DPP10: variants seen among roughly 807,000 people sequenced by gnomAD.
DPP10 encodes the protein inactive dipeptidyl peptidase 10.
DPP10 carries 33 observed loss-of-function variants against 120.9 expected under a neutral mutation model. The ratio of observed to expected loss-of-function variants is 0.27; its 90% CI spans 0.21 to 0.37. DPP10 has a LOEUF of 0.37. Among genes scored for constraint, DPP10 ranks in the 10% least tolerant of loss-of-function variants. The pLI is 1.00. For synonymous variants in DPP10, 337 were observed against 326.1 expected (o/e 1.03, Z -0.36); for missense variants, 816 against 942.8 (o/e 0.87, Z 1.76).
chr2:114,915,358 A>T (rs957233980), intron 1 of DPP10, among the ~76,000 whole-genome samples: 4 of 152,202 alleles, frequency 2.6e-5, no homozygotes, highest in Non-Finnish European at 5.9e-5. Flanking sequence ...TCAGATTTAT[A>T]AAACAAGTTC....
intron 19 of DPP10, among the ~76,000 whole-genome samples, chr2:115,805,124 G>T (rs1292230005): frequency 6.6e-6 from 1 of 152,160 alleles, no homozygotes. Context: ...TCAAGCCTCA[G>T]CAATGGCAGG....
Position 115,149,488 on chromosome 2 carries a change from G to A in DPP10, c.61-159751G>A, listed in dbSNP as rs557971585. Among the ~76,000 whole-genome samples, 46 of 152,288 alleles carry A rather than the reference G, an allele frequency of 3.0e-4. 1 individual carries two copies. The South Asian group carries it at 8.5e-3, about 28-fold the overall frequency. The stretch of plus-strand genomic sequence containing the variant: ...TTTATCTGATGGATCCCAATGCACT[G>A]TAATTTTTATCCTTATTGAAGTGCT... On this transcript the variant is annotated intron_variant, in intron 1 of 25. Transcript: ENST00000410059.
chr2:114,945,684 C>T (rs749860617), intron 1 of DPP10, among the ~76,000 whole-genome samples: 7 of 152,020 alleles, frequency 4.6e-5, no homozygotes, highest in East Asian at 1.9e-4. Context: ...GGCATGGCGG[C>T]GGACACCTGT....
At chr2:115,045,057 G>A (rs1442728556) in intron 1 of DPP10, among the ~76,000 whole-genome samples, 1 of 152,146 alleles carries the variant, frequency 6.6e-6, no homozygotes, top group Non-Finnish European at 1.5e-5. Context: ...CTTGGCTATT[G>A]TGAATAGTGC....
In DPP10 at chr2:114,852,151, C is replaced by CTTTTTTTTT. The variant is rs34580352; in HGVS notation, c.60+409330_60+409338dup. Among the ~76,000 whole-genome samples the CTTTTTTTTT allele has an allele frequency of 1.1e-3, 60 of 53,728 alleles. 14 individuals carry two copies. The highest frequency in any genetic ancestry group is 4.6e-3 in the African/African-American group (54 of 11,784). The allele number at this position is 53,728 out of a possible 152,430, so 35.2% of individuals were successfully genotyped here. ...GGGAAATTTTTATAGCGATTGCATC[C>CTTTTTTTTT]TTTTTTTTTTTTTTTTTTTTTTTTT... On this transcript the variant is annotated intron_variant, in intron 1 of 25. Coordinates refer to ENST00000410059, the MANE Select transcript of DPP10 (RefSeq NM_020868.6).
chr2:115,836,342 A>G lies in DPP10; in HGVS notation c.2050+86A>G, dbSNP rs1013846503. 3.6e-6 allele frequency: 5 copies of G among 1,380,178 alleles called. No homozygotes were observed. The African/African-American group carries it at 5.8e-5, about 16-fold the overall frequency. The allele number at this position is 1,380,178 out of a possible 1,614,324, so 85.5% of individuals were successfully genotyped here. On this transcript the variant is annotated intron_variant, in intron 22 of 25. Transcript: ENST00000410059. ...AATTTAGAATAGCTCAATTGAGCTC[A>G]TTTATCATATGTTATTAGAGCCTGT...
At chr2:114,545,797 G>A (rs1687345153) in intron 1 of DPP10, among the ~76,000 whole-genome samples, 1 of 152,132 alleles carries the variant, frequency 6.6e-6, no homozygotes, top group African/African-American at 2.4e-5. Context: ...GATAGTTTTG[G>A]TTTTACCTGC....
intron 1 of DPP10, among the ~76,000 whole-genome samples, chr2:115,221,533 G>A (rs543006342): frequency 6.6e-6 from 1 of 152,130 alleles, no homozygotes; most frequent in East Asian, 1.9e-4. Flanking sequence ...TACATGGTCC[G>A]CAAAGCCTAA....
At chr2:115,336,140 G>T (rs2063115000) in intron 2 of DPP10, among the ~76,000 whole-genome samples, 1 of 151,924 alleles carries the variant, frequency 6.6e-6, no homozygotes. Flanking sequence ...GAATGCTGAA[G>T]AACTTTCTTT....
intron 3 of DPP10, among the ~76,000 whole-genome samples, chr2:115,408,058 T>C (rs546241664): frequency 6.6e-6 from 1 of 151,624 alleles, no homozygotes; most frequent in African/African-American, 2.4e-5. Context: ...CCTCTTTCTT[T>C]CCCCCATTCT....
Position 115,141,294 on chromosome 2 carries a change from C to A in DPP10, c.61-167945C>A, listed in dbSNP as rs1048960593. ...CATTCTCAAACTAACACTCATAAAT[C>A]GGCAATTTAGGCAGGGAGGAAAGGA... On this transcript the variant is annotated intron_variant, in intron 1 of 25. Transcript: ENST00000410059. Among the ~76,000 whole-genome samples the A allele has an allele frequency of 5.6e-4, 85 of 152,108 alleles. 1 individual carries two copies. The highest frequency in any genetic ancestry group is 2.4e-4 in the Non-Finnish European group (16 of 68,024).
chr2:115,252,590 G>T (rs937191715), intron 1 of DPP10, among the ~76,000 whole-genome samples: 1 of 152,110 alleles, frequency 6.6e-6, no homozygotes, highest in African/African-American at 2.4e-5. Flanking sequence ...TTCCCTCTGT[G>T]TTTACTACAG....
At chr2:114,604,249 G>C (rs1692610475) in intron 1 of DPP10, among the ~76,000 whole-genome samples, 1 of 152,018 alleles carries the variant, frequency 6.6e-6, no homozygotes, top group South Asian at 2.1e-4. Context: ...TCTTATCAGG[G>C]AATGGTGGGA....
intron 12 of DPP10, 75 bp from the exon 13 acceptor site, chr2:115,768,222 C>A: frequency 8.0e-7 from 1 of 1,249,050 alleles, no homozygotes; most frequent in Middle Eastern, 2.0e-4. Context: ...ATAACCCATG[C>A]AGGAATTAAC....
At chr2:115,722,217 G>A (rs934556370) in intron 7 of DPP10, among the ~76,000 whole-genome samples, 16 of 151,952 alleles carry the variant, frequency 1.1e-4, no homozygotes, top group African/African-American at 3.6e-4. Context: ...TTCATTGTAC[G>A]CTTACAGATT....
chr2:115,217,228 A>G (rs1275747719), intron 1 of DPP10, among the ~76,000 whole-genome samples: 4 of 152,220 alleles, frequency 2.6e-5, no homozygotes, highest in Non-Finnish European at 5.9e-5. Flanking sequence ...TAGGATAATT[A>G]TCTAATGGCT....
intron 1 of DPP10, among the ~76,000 whole-genome samples, chr2:114,678,131 A>G (rs1021103270): frequency 2.6e-5 from 4 of 152,146 alleles, no homozygotes; most frequent in Non-Finnish European, 1.5e-5. Context: ...TGGCTTAATT[A>G]CAATGAGAGG....
intron 1 of DPP10, among the ~76,000 whole-genome samples, chr2:115,244,237 TATAGAGAGAGAGAG>T (rs761248552): frequency 0.27 from 17,914 of 66,462 alleles, 1,214 homozygotes; most frequent in Non-Finnish European, 0.33. Flanking sequence ...TATATATATA[TATAGAGAGAGAGAG>T]AGAGAGAGAG....
In DPP10 at chr2:114,959,688, A is replaced by G. The variant is rs141236893; in HGVS notation, c.61-349551A>G. 2.6e-3 allele frequency among the ~76,000 whole-genome samples: 399 copies of G among 152,318 alleles called. 2 individuals are homozygous for G. Among genetic ancestry groups the G allele is most frequent in the Middle Eastern group, 0.01 (3 of 294 alleles). ...ACTGGATACCACACTGCCAACAGCA[A>G]TGGATGAGCATTCCATGTTCTCCAC... On this transcript the variant is annotated intron_variant, in intron 1 of 25. Transcript: ENST00000410059.
Sources: gnomAD v4.1 joint callset for allele counts (sites outside exome capture counted in the v4.1 genomes callset) on GRCh38, gnomAD v4.1.1 for gene constraint, MANE v1.5 for transcripts, NCBI Gene and HGNC (gene_info 2026-07-23, HGNC 2026-07-21) for gene names.